MATN2: variants seen among roughly 807,000 people sequenced by gnomAD.
MATN2 encodes matrilin 2.
MATN2 carries 69 observed loss-of-function variants against 103.2 expected under a neutral mutation model. The ratio of observed to expected loss-of-function variants is 0.67; its 90% CI spans 0.55 to 0.82. The LOEUF is 0.82. Among genes scored for constraint, MATN2 ranks in the 40% least tolerant of loss-of-function variants. The probability of loss-of-function intolerance (pLI) is 0.00; values close to 1 mark genes in which losing one functional copy is unlikely to be tolerated. For synonymous variants in MATN2, 429 were observed against 450.2 expected (o/e 0.95, Z 0.60); for missense variants, 1,023 against 1,211.5 (o/e 0.84, Z 2.31).
chr8:97,987,314 CAGA>C (rs1812228529), intron 6 of MATN2, among the ~76,000 whole-genome samples: 1 of 152,138 alleles, frequency 6.6e-6, no homozygotes, highest in African/African-American at 2.4e-5. Flanking sequence ...GGAAAGCATC[CAGA>C]AGAACAGCTA....
chr8:97,957,050 A>G (rs1002369128), intron 4 of MATN2, among the ~76,000 whole-genome samples: 2 of 152,222 alleles, frequency 1.3e-5, no homozygotes, highest in Non-Finnish European at 2.9e-5. Context: ...AGTCCTTCCA[A>G]TACCATGGGA....
At chr8:98,003,864 A>G (rs10955143) in intron 8 of MATN2, 81 bp downstream of exon 8, 945,996 of 1,549,354 alleles carry the variant, frequency 0.61, 295,922 homozygotes, top group African/African-American at 0.7. Flanking sequence ...GCAACCAGTT[A>G]TTTCTGGAGC....
intron 4 of MATN2, among the ~76,000 whole-genome samples, chr8:97,954,080 G>C (rs1426658130): frequency 6.6e-6 from 1 of 152,088 alleles, no homozygotes; most frequent in Non-Finnish European, 1.5e-5. Flanking sequence ...TATGAAAACT[G>C]AATCTCTCAA....
At chr8:97,983,673 A>G (rs1044193164) in intron 6 of MATN2, among the ~76,000 whole-genome samples, 10 of 152,186 alleles carry the variant, frequency 6.6e-5, no homozygotes, top group Non-Finnish European at 1.0e-4. Context: ...TCGTGCTTGG[A>G]GGTCATTATA....
At chr8:97,890,526 A>G (rs1208515481) in intron 2 of MATN2, among the ~76,000 whole-genome samples, 7 of 151,794 alleles carry the variant, frequency 4.6e-5, no homozygotes, top group Non-Finnish European at 2.9e-5. Flanking sequence ...CAAACACTAT[A>G]GCTGTGGCCT....
chr8:97,953,088 A>T (rs1811016065), intron 4 of MATN2, among the ~76,000 whole-genome samples: 1 of 151,756 alleles, frequency 6.6e-6, no homozygotes, highest in East Asian at 1.9e-4. Flanking sequence ...GTGCCTGGCT[A>T]ATTTTTTAAT....
At chr8:97,937,506 G>A (rs1810412685) in intron 3 of MATN2, among the ~76,000 whole-genome samples, 1 of 151,288 alleles carries the variant, frequency 6.6e-6, no homozygotes, top group Non-Finnish European at 1.5e-5. Flanking sequence ...ATGGCACATG[G>A]CCAAAATAAG....
chr8:97,923,508 G>A (rs1377224823), intron 2 of MATN2, among the ~76,000 whole-genome samples: 1 of 151,174 alleles, frequency 6.6e-6, no homozygotes, highest in African/African-American at 2.4e-5. Context: ...CAATATTCTT[G>A]TCTTCCACCA....
At chr8:97,924,313 A>G (rs1023586015) in intron 2 of MATN2, among the ~76,000 whole-genome samples, 1 of 152,148 alleles carries the variant, frequency 6.6e-6, no homozygotes, top group African/African-American at 2.4e-5. Context: ...ATCATACTCT[A>G]GTTCCCTAAT....
At chr8:98,025,197 G>A (rs1269845537) in intron 13 of MATN2, 3 of 152,004 alleles carry the variant, frequency 2.0e-5, no homozygotes, top group East Asian at 3.9e-4. Context: ...ATAAAAGATC[G>A]ATAGGTTGAG....
At position 98,007,192 on chromosome 8, in the gene MATN2, G is replaced by T; in HGVS notation, c.1415G>T (p.Gly472Val). The change falls in exon 9 of 19, where the codon GGC (glycine) becomes GTC (valine). Residue 472 changes from glycine to valine, a missense_variant. Coordinates refer to ENST00000254898, the MANE Select transcript of MATN2 (RefSeq NM_002380.5). This position sits in a 1 kb window ranked among gnomAD's most constrained non-coding sequence, Gnocchi z 4.2. ...EDSFVCQCSEGFLINEDLKTC... is the reference protein window; with the variant it reads ...EDSFVCQCSEVFLINEDLKTC... Reference sequence around the variant, plus strand: ...TCCTTCGTCTGCCAGTGCTCAGAAGGCTTCCTCATCAACGAGGACCTCAAG... The same window carrying T: ...TCCTTCGTCTGCCAGTGCTCAGAAGTCTTCCTCATCAACGAGGACCTCAAG... The T allele has an allele frequency of 1.2e-6, 2 of 1,613,930 alleles. No individual in the cohort carries two copies. Among genetic ancestry groups the T allele is most frequent in the East Asian group, 4.5e-5 (2 of 44,880 alleles).
At chr8:97,991,116 C>T (rs1252858772) in intron 6 of MATN2, among the ~76,000 whole-genome samples, 1 of 152,210 alleles carries the variant, frequency 6.6e-6, no homozygotes, top group Non-Finnish European at 1.5e-5. Flanking sequence ...TGGCCCATCA[C>T]TATCCTATGG....
At chr8:97,925,494 G>A (rs1809961357) in intron 2 of MATN2, among the ~76,000 whole-genome samples, 2 of 152,110 alleles carry the variant, frequency 1.3e-5, no homozygotes, top group Middle Eastern at 3.4e-3. Flanking sequence ...ACTTTCTAAG[G>A]TGTGTTCTTT....
At chr8:97,906,997 CTTTTT>C (rs61459656) in intron 2 of MATN2, among the ~76,000 whole-genome samples, 6 of 116,144 alleles carry the variant, frequency 5.2e-5, no homozygotes, top group African/African-American at 1.4e-4. Context: ...CCATAGCTGA[CTTTTT>C]TTTTTTTTTT....
At chr8:97,947,753 G>A (rs1159968171) in intron 4 of MATN2, among the ~76,000 whole-genome samples, 2 of 151,876 alleles carry the variant, frequency 1.3e-5, no homozygotes, top group Middle Eastern at 3.2e-3. Flanking sequence ...TTTAGAAATC[G>A]ACAACTGATT....
intron 4 of MATN2, among the ~76,000 whole-genome samples, chr8:97,949,209 G>A (rs1393056886): frequency 5.0e-5 from 7 of 139,924 alleles, no homozygotes; most frequent in African/African-American, 8.0e-5. Context: ...TTGCTCTGTC[G>A]CCCAGGCTGG....
intron 13 of MATN2, among the ~76,000 whole-genome samples, chr8:98,023,146 G>A (rs528954646): frequency 6.6e-6 from 1 of 151,814 alleles, no homozygotes; most frequent in Non-Finnish European, 1.5e-5. Context: ...GTGGTGGCAT[G>A]CACCTATAAT....
At chr8:97,920,081 A>G (rs1809763309) in intron 2 of MATN2, among the ~76,000 whole-genome samples, 3 of 152,294 alleles carry the variant, frequency 2.0e-5, no homozygotes, top group East Asian at 3.9e-4. Flanking sequence ...GGCTGAGTTC[A>G]TGAGTTCATT....
intron 2 of MATN2, among the ~76,000 whole-genome samples, chr8:97,897,410 C>G (rs941056657): frequency 6.6e-6 from 1 of 152,190 alleles, no homozygotes; most frequent in African/African-American, 2.4e-5. Context: ...AAATAAGCTG[C>G]TAGCATTGTC....
Sources: allele counts gnomAD v4.1 joint callset (sites outside exome capture counted in the v4.1 genomes callset), GRCh38; gene constraint gnomAD v4.1.1; non-coding constraint Gnocchi (gnomAD v3.1); transcripts MANE v1.5; gene names NCBI Gene and HGNC (gene_info 2026-07-23, HGNC 2026-07-21).